The following USP30 variants were observed in gnomAD, a reference collection of about 807,000 sequenced individuals.
The protein encoded by USP30 is ubiquitin specific peptidase 30.
Under a neutral mutation model 68.2 loss-of-function variants are expected in USP30, and 41 were observed. That is an observed-to-expected ratio of 0.60 (90% CI 0.47 to 0.78). The LOEUF (loss-of-function observed/expected upper bound fraction) is 0.78. Among genes scored for constraint, USP30 ranks in the 30% least tolerant of loss-of-function variants. USP30 has a pLI of 0.00. For synonymous variants in USP30, 229 were observed against 253.7 expected, an observed-to-expected ratio of 0.90 and a Z score of 0.93; for missense variants, 522 against 649.4, an observed-to-expected ratio of 0.80 and a Z score of 2.13.
upstream of USP30, among the ~76,000 whole-genome samples, chr12:109,048,463 T>G (rs1376665054): frequency 2.7e-5 from 4 of 147,232 alleles, no homozygotes; most frequent in East Asian, 2.0e-4. Flanking sequence ...TGGAGGGGGG[T>G]GAGTACCAAG....
intron 3 of USP30, among the ~76,000 whole-genome samples, chr12:109,062,401 C>T (rs1404107329): frequency 7.7e-6 from 1 of 129,288 alleles, no homozygotes; most frequent in Non-Finnish European, 1.5e-5. Flanking sequence ...GTGGCATGAT[C>T]TCGGCTCACT....
chr12:109,075,349 C>T (rs1377848719), intron 7 of USP30, among the ~76,000 whole-genome samples: 2 of 152,126 alleles, frequency 1.3e-5, no homozygotes, highest in Non-Finnish European at 2.9e-5. Context: ...ACACTTGTTA[C>T]GTGCTGTCTT....
intron 1 of USP30, chr12:109,054,635 T>C (rs1038523110): frequency 2.0e-5 from 3 of 152,470 alleles, no homozygotes; most frequent in Non-Finnish European, 4.4e-5. Context: ...ATTAAGTTCT[T>C]ACTATGTACT....
At chr12:109,040,718 G>A (rs1017067722) in intron 3 of USP30, among the ~76,000 whole-genome samples, 2 of 152,230 alleles carry the variant, frequency 1.3e-5, no homozygotes, top group Non-Finnish European at 2.9e-5. Context: ...TTGCCACATG[G>A]ACCTCTCCAT....
intron 6 of USP30, 129 bp downstream of exon 6, chr12:109,072,479 A>G (rs747296705): frequency 2.5e-4 from 210 of 840,844 alleles, no homozygotes; most frequent in Non-Finnish European, 3.9e-4. Context: ...GTGCTTGCAA[A>G]GGAACTTGTA....
At chr12:109,025,697 G>A (rs1360278971) in intron 2 of USP30, among the ~76,000 whole-genome samples, 3 of 151,662 alleles carry the variant, frequency 2.0e-5, no homozygotes, top group Admixed American at 6.6e-5. Flanking sequence ...TTTTTGACAG[G>A]GTCTTGCTCT....
chr12:109,066,905 C>G (rs1389994574), intron 3 of USP30, among the ~76,000 whole-genome samples: 1 of 152,002 alleles, frequency 6.6e-6, no homozygotes, highest in African/African-American at 2.4e-5. Flanking sequence ...TCATTTTGCT[C>G]AATAAGAACC....
chr12:109,045,570 G>A (rs1205029099), intron 3 of USP30, among the ~76,000 whole-genome samples: 1 of 152,138 alleles, frequency 6.6e-6, no homozygotes, highest in African/African-American at 2.4e-5. Flanking sequence ...CCCACAGTAT[G>A]ACCTTGGCCA....
At chr12:109,048,623 C>T (rs2040628288), upstream of USP30, among the ~76,000 whole-genome samples, 1 of 151,440 alleles carries the variant, frequency 6.6e-6, no homozygotes, top group Non-Finnish European at 1.5e-5. Flanking sequence ...ACCTGAAGTC[C>T]CAGCTACTCA....
intron 2 of USP30, among the ~76,000 whole-genome samples, chr12:109,057,057 G>C (rs1341414167): frequency 6.6e-6 from 1 of 152,198 alleles, no homozygotes; most frequent in African/African-American, 2.4e-5. Context: ...TGTCTAAGAA[G>C]TGTTCTCATT....
rs929110741 is a variant in USP30 at position 109,064,785 on chromosome 12, G to A, written c.377-2739G>A. On this transcript the variant is annotated intron_variant, in intron 3 of 12. Coordinates refer to ENST00000257548, the MANE Select transcript of USP30 (RefSeq NM_032663.5). ...TTGCTGGATTGTACAATATGAAAAT[G>A]TTAGTAGATATTGCCAAATTGCCCC... Among the ~76,000 whole-genome samples the A allele has an allele frequency of 2.6e-5, 4 of 152,026 alleles. No homozygotes were observed. The East Asian group carries it at 7.7e-4, about 29-fold the overall frequency.
intron 3 of USP30, among the ~76,000 whole-genome samples, chr12:109,028,357 C>T (rs192491246): frequency 5.9e-5 from 9 of 151,972 alleles, no homozygotes; most frequent in East Asian, 1.9e-4. Flanking sequence ...GGAAGCATGG[C>T]GCTGGCATCT....
chr12:109,080,219 T>C (rs2041755287), intron 7 of USP30, among the ~76,000 whole-genome samples: 1 of 152,154 alleles, frequency 6.6e-6, no homozygotes, highest in African/African-American at 2.4e-5. Context: ...GCATTTCCCC[T>C]GGTCTCTCCA....
intron 3 of USP30, among the ~76,000 whole-genome samples, chr12:109,060,985 A>G (rs1454152150): frequency 4.6e-5 from 7 of 152,020 alleles, no homozygotes; most frequent in Admixed American, 2.0e-4. Context: ...GGGTCTTGCT[A>G]TGTTGACCAG....
At chr12:109,040,510 C>A (rs11066775) in intron 3 of USP30, among the ~76,000 whole-genome samples, 6,987 of 152,274 alleles carry the variant, frequency 0.046, 525 homozygotes, top group African/African-American at 0.16. Context: ...CACACAGTTT[C>A]TGTGAGTCAG....
intron 3 of USP30, among the ~76,000 whole-genome samples, chr12:109,039,903 C>G (rs934161035): frequency 6.6e-6 from 1 of 152,186 alleles, no homozygotes; most frequent in African/African-American, 2.4e-5. Context: ...ACCACCACAC[C>G]TGGCCAGCCA....
At chr12:109,037,865 C>T (rs1439834032) in intron 3 of USP30, among the ~76,000 whole-genome samples, 1 of 152,140 alleles carries the variant, frequency 6.6e-6, no homozygotes, top group East Asian at 1.9e-4. Flanking sequence ...TCAAGGTCAG[C>T]CAGATGTGAG....
In USP30 at chr12:109,073,437, G is replaced by A; in HGVS notation, c.626-1G>A. 2 of 1,613,302 alleles carry A rather than the reference G, an allele frequency of 1.2e-6. No individual in the cohort carries two copies. Among genetic ancestry groups the A allele is most frequent in the Non-Finnish European group, 1.7e-6 (2 of 1,179,322 alleles). On this transcript the variant is annotated splice_acceptor_variant, in intron 6 of 12. Transcript: ENST00000257548. LOFTEE classifies it high-confidence loss of function. ...ATATCAAAAAACTTTTTGCATTCCA[G>A]GGTCACCTCACCCTACATCCAATCA...
At chr12:109,079,379 T>TTG (rs1362154521) in intron 7 of USP30, among the ~76,000 whole-genome samples, 3 of 137,450 alleles carry the variant, frequency 2.2e-5, no homozygotes, top group Admixed American at 7.2e-5. Context: ...TTTTTTTTTT[T>TTG]GTGACAGGGG....
Sources: allele counts gnomAD v4.1 joint callset (sites outside exome capture counted in the v4.1 genomes callset), GRCh38; gene constraint gnomAD v4.1.1; transcripts MANE v1.5; gene names NCBI Gene and HGNC (gene_info 2026-07-23, HGNC 2026-07-21).